HPCAL1: variants seen among roughly 807,000 people sequenced by gnomAD.
HPCAL1 encodes hippocalcin like 1.
Under a neutral mutation model 17.1 loss-of-function variants are expected in HPCAL1, and 8 were observed. The observed-to-expected ratio is 0.47, with a 90% confidence interval of 0.27 to 0.84. The LOEUF (loss-of-function observed/expected upper bound fraction) is 0.84, where lower values mean the gene tolerates loss of function less well. HPCAL1 is among the 40% of genes least tolerant of loss of function. The pLI, the probability that HPCAL1 is intolerant of heterozygous loss-of-function variation, is 0.13. For synonymous variants in HPCAL1, 112 were observed against 111.4 expected (o/e 1.01, Z -0.03); for missense variants, 165 against 271.1 (o/e 0.61, Z 2.75).
At chr2:10,315,485 T>C (rs1298602514) in intron 1 of HPCAL1, among the ~76,000 whole-genome samples, 2 of 152,186 alleles carry the variant, frequency 1.3e-5, no homozygotes, top group East Asian at 1.9e-4. Context: ...TTTATTATTT[T>C]TGCAATTAGA....
chr2:10,351,699 C>T (rs1030031862), intron 1 of HPCAL1, among the ~76,000 whole-genome samples: 3 of 151,578 alleles, frequency 2.0e-5, no homozygotes, highest in Non-Finnish European at 2.9e-5. Flanking sequence ...GTTGAGGTTG[C>T]AGTGAGCCAT....
chr2:10,329,839 C>T (rs1027866099), intron 1 of HPCAL1, among the ~76,000 whole-genome samples: 10 of 152,240 alleles, frequency 6.6e-5, no homozygotes, highest in Non-Finnish European at 1.3e-4. Flanking sequence ...TTTGAGGTGA[C>T]GTTGGTCACA....
intron 1 of HPCAL1, among the ~76,000 whole-genome samples, chr2:10,396,409 G>A (rs1172407926): frequency 6.6e-6 from 1 of 152,228 alleles, no homozygotes; most frequent in Non-Finnish European, 1.5e-5. Context: ...CCTCGTAACA[G>A]CCCTGGGTGC....
At chr2:10,307,638 T>A (rs1049223742) in intron 1 of HPCAL1, among the ~76,000 whole-genome samples, 1 of 152,198 alleles carries the variant, frequency 6.6e-6, no homozygotes, top group Non-Finnish European at 1.5e-5. Flanking sequence ...TAGAAATCTC[T>A]GGAGAGTTTT....
Position 10,396,061 on chromosome 2 carries a change from T to C in HPCAL1, c.-110-774T>C, listed in dbSNP as rs940122774. Among the ~76,000 whole-genome samples, 6 of 152,136 alleles carry C rather than the reference T, an allele frequency of 3.9e-5. No homozygotes were observed. In the South Asian group the frequency reaches 8.3e-4, roughly 21 times the overall value. The stretch of plus-strand genomic sequence containing the variant: ...CCACGTGAAAGGTGCTTGGAACGCT[T>C]GTGCCAGAGCTGGCAGTGAGGGTTG... On this transcript the variant is annotated intron_variant, in intron 1 of 4. Transcript: ENST00000307845.
intron 2 of HPCAL1, among the ~76,000 whole-genome samples, chr2:10,413,772 C>T (rs3755261): frequency 0.21 from 31,556 of 152,230 alleles, 3,388 homozygotes; most frequent in Middle Eastern, 0.24. Context: ...CATAAATCAC[C>T]GATCCATCCT....
At chr2:10,312,516 A>G (rs1254347428) in intron 1 of HPCAL1, among the ~76,000 whole-genome samples, 1 of 150,394 alleles carries the variant, frequency 6.6e-6, no homozygotes, top group Non-Finnish European at 1.5e-5. Context: ...CATCACTGTC[A>G]TTATCACCAT....
chr2:10,408,049 G>T (rs1354641890), intron 2 of HPCAL1, among the ~76,000 whole-genome samples: 1 of 152,240 alleles, frequency 6.6e-6, no homozygotes, highest in Non-Finnish European at 1.5e-5. Context: ...ACTCATATCT[G>T]CAGAGGCACA....
chr2:10,325,148 T>G (rs11683445), intron 1 of HPCAL1, among the ~76,000 whole-genome samples: 262 of 152,054 alleles, frequency 1.7e-3, no homozygotes, highest in African/African-American at 6.1e-3. Context: ...GCTGTTTTAG[T>G]TGGTTTTTGA....
intron 1 of HPCAL1, among the ~76,000 whole-genome samples, chr2:10,378,171 T>A (rs1408073896): frequency 6.7e-6 from 1 of 150,138 alleles, no homozygotes; most frequent in East Asian, 1.9e-4. Flanking sequence ...TCTTGCAGAG[T>A]CAGGATTCTG....
Position 10,419,675 on chromosome 2 carries a change from T to C in HPCAL1, c.-24-59T>C, listed in dbSNP as rs972132160. ...GGGCTTATTTGGTCTCTCCGGCACA[T>C]GGCTCAGCCCTGCTCCGTGGCCGTG... On this transcript the variant is annotated intron_variant, in intron 2 of 4. Transcript: ENST00000307845. This position sits in a 1 kb window ranked among gnomAD's most constrained non-coding sequence, Gnocchi z 5.0. 6.0e-6 allele frequency: 9 copies of C among 1,508,662 alleles called. No homozygotes were observed. Among genetic ancestry groups the C allele is most frequent in the East Asian group, 2.3e-5 (1 of 43,954 alleles). 93.5% of individuals were successfully genotyped at this position (1,508,662 alleles called of 1,614,324 possible). A position where few individuals can be genotyped will look rare whatever the true frequency, so the allele number is the denominator to read the frequency against.
At chr2:10,396,360 C>T (rs2270299) in intron 1 of HPCAL1, among the ~76,000 whole-genome samples, 49,789 of 152,066 alleles carry the variant, frequency 0.33, 9,089 homozygotes, top group South Asian at 0.5. Context: ...AGGGCACAGT[C>T]GTGGGTGGCA....
At chr2:10,347,479 T>A (rs1665545898) in intron 1 of HPCAL1, among the ~76,000 whole-genome samples, 1 of 151,848 alleles carries the variant, frequency 6.6e-6, no homozygotes, top group Admixed American at 6.6e-5. Flanking sequence ...AAGGTGGGCG[T>A]GGGGAGGAGG....
intron 4 of HPCAL1, 154 bp downstream of exon 4, chr2:10,423,242 C>G (rs938130855): frequency 6.2e-6 from 4 of 649,872 alleles, no homozygotes; most frequent in African/African-American, 1.8e-5. Context: ...CAGGGAAGAG[C>G]GGGATGCAGT....
chr2:10,423,478 C>A, intron 4 of HPCAL1: 1 of 200,296 alleles, frequency 5.0e-6, no homozygotes, highest in Non-Finnish European at 1.0e-5. Context: ...CTGGCCATGC[C>A]TCTCTTGCTG....
At chr2:10,334,228 A>T (rs987405614) in intron 1 of HPCAL1, among the ~76,000 whole-genome samples, 3 of 152,246 alleles carry the variant, frequency 2.0e-5, no homozygotes, top group Non-Finnish European at 2.9e-5. Context: ...TCACGCCTGT[A>T]ATCCCAGCTC....
At chr2:10,317,475 T>G (rs565511633) in intron 1 of HPCAL1, among the ~76,000 whole-genome samples, 1 of 151,526 alleles carries the variant, frequency 6.6e-6, no homozygotes, top group South Asian at 2.1e-4. Flanking sequence ...TGGAGTGCAG[T>G]GGCGTGATCT....
intron 1 of HPCAL1, among the ~76,000 whole-genome samples, chr2:10,316,063 T>A (rs1169518383): frequency 1.3e-5 from 2 of 152,176 alleles, no homozygotes; most frequent in African/African-American, 2.4e-5. Context: ...TGTGGCATAG[T>A]GTAGAGTTTG....
chr2:10,349,894 C>T (rs995953970), intron 1 of HPCAL1, among the ~76,000 whole-genome samples: 2 of 152,020 alleles, frequency 1.3e-5, no homozygotes, highest in African/African-American at 4.8e-5. Flanking sequence ...GCACTATCCA[C>T]ACTGTTAATG....
Sources: allele counts gnomAD v4.1 joint callset (sites outside exome capture counted in the v4.1 genomes callset), GRCh38; gene constraint gnomAD v4.1.1; non-coding constraint Gnocchi (gnomAD v3.1); transcripts MANE v1.5; gene names NCBI Gene and HGNC (gene_info 2026-07-23, HGNC 2026-07-21).